The following KANSL1L variants were observed in gnomAD, a reference collection of about 807,000 sequenced individuals.
KANSL1L encodes KAT8 regulatory NSL complex subunit 1-like protein.
KANSL1L carries 25 observed loss-of-function variants against 108.6 expected under a neutral mutation model. That is an observed-to-expected ratio of 0.23 (90% CI 0.17 to 0.32). The LOEUF (loss-of-function observed/expected upper bound fraction) is 0.32. Among genes scored for constraint, KANSL1L ranks in the 10% least tolerant of loss-of-function variants. KANSL1L has a pLI of 1.00. For synonymous variants in KANSL1L, 405 were observed against 395.1 expected (o/e 1.03, Z -0.30); for missense variants, 1,137 against 1,125.7 (o/e 1.01, Z -0.14).
intron 1 of KANSL1L, among the ~76,000 whole-genome samples, chr2:210,162,222 G>GTGTATATATATATATATATA (rs2095365187): frequency 9.3e-6 from 1 of 107,474 alleles, no homozygotes; most frequent in Admixed American, 9.8e-5. Context: ...AGTGGTTCAG[G>GTGTATATATATATATATATA]TATATATATA....
At chr2:210,074,755 G>A (rs1333818088) in intron 6 of KANSL1L, among the ~76,000 whole-genome samples, 1 of 152,136 alleles carries the variant, frequency 6.6e-6, no homozygotes, top group African/African-American at 2.4e-5. Context: ...ATAAAACAAA[G>A]CATCTTTATT....
intron 2 of KANSL1L, among the ~76,000 whole-genome samples, chr2:210,133,914 A>C (rs2095150285): frequency 6.6e-6 from 1 of 151,848 alleles, no homozygotes; most frequent in African/African-American, 2.4e-5. Flanking sequence ...ACCCAGTATG[A>C]TTTTCCTTCA....
intron 6 of KANSL1L, among the ~76,000 whole-genome samples, chr2:210,059,659 G>A (rs1201919915): frequency 1.3e-5 from 2 of 152,152 alleles, no homozygotes; most frequent in Non-Finnish European, 2.9e-5. Context: ...GTTACAGCAA[G>A]GTAAGAAAAT....
At chr2:210,130,558 A>T (rs1480140866) in intron 2 of KANSL1L, among the ~76,000 whole-genome samples, 2 of 152,194 alleles carry the variant, frequency 1.3e-5, no homozygotes, top group Non-Finnish European at 2.9e-5. Flanking sequence ...ATACAATGTG[A>T]TTAAAGACAC....
intron 6 of KANSL1L, among the ~76,000 whole-genome samples, chr2:210,053,416 G>A (rs1272355511): frequency 6.6e-6 from 1 of 152,118 alleles, no homozygotes; most frequent in Non-Finnish European, 1.5e-5. Flanking sequence ...GGCCAACATG[G>A]TGAGACCTTG....
chr2:210,107,534 AT>A (rs71395572), intron 3 of KANSL1L, among the ~76,000 whole-genome samples: 14 of 117,604 alleles, frequency 1.2e-4, no homozygotes, highest in East Asian at 9.3e-4. Context: ...ATATATATAT[AT>A]TTTTTTTTTT....
In KANSL1L at chr2:210,154,154, G is replaced by C. The variant is rs745822027; in HGVS notation, c.429C>G (p.Ser143Arg). ...TAATTTGTACATCTTTCATGCACTGGCTCGTGGTATCTGATAGAGGCTCCT... is the reference window on the plus strand; with the variant it reads ...TAATTTGTACATCTTTCATGCACTGCCTCGTGGTATCTGATAGAGGCTCCT... ...IKKEPLSDTT[S>R]QCMKDVQIIL... is the part of the protein sequence containing the mutation. Residue 143 changes from serine to arginine, a missense_variant, in exon 2 of 15, where the codon AGC becomes AGG. Transcript: ENST00000281772. 6.8e-6 allele frequency: 11 copies of C among 1,613,754 alleles called. No individual in the cohort carries two copies. In the African/African-American group the frequency reaches 1.2e-4, roughly 18 times the overall value.
In KANSL1L at chr2:210,024,022, A is replaced by T; in HGVS notation, c.2733+11T>A. ...AGGAATGGGAAGTTTAATCATACAT[A>T]TTACACTTACCTTGGTTTCTTGACT... On this transcript the variant is annotated intron_variant, in intron 14 of 14. Transcript: ENST00000281772. The T allele has an allele frequency of 6.5e-7, 1 of 1,541,000 alleles. No homozygotes were observed. Among genetic ancestry groups the T allele is most frequent in the Non-Finnish European group, 8.8e-7 (1 of 1,141,078 alleles).
chr2:210,154,051 C>T lies in KANSL1L; in HGVS notation c.532G>A (p.Ala178Thr). Residue 178 changes from alanine to threonine, a missense_variant, in exon 2 of 15, where the codon GCA becomes ACA. Around this residue, in one of 3 missense-constraint regions of KANSL1L, gnomAD observed 556 missense variants for 537.7 expected, o/e 1.03. Coordinates refer to ENST00000281772, the MANE Select transcript of KANSL1L (RefSeq NM_152519.4). ...LQNCKWYQEN[A>T]LLDKVTDAEI... is the part of the protein sequence containing the mutation. Reference sequence around the variant, plus strand: ...GCATCAGTAACTTTATCCAAAAGTGCATTCTCTTGATACCATTTACAGTTT... The same window carrying T: ...GCATCAGTAACTTTATCCAAAAGTGTATTCTCTTGATACCATTTACAGTTT... 6.2e-7 allele frequency: 1 copy of T among 1,613,556 alleles called. No homozygotes were observed. Among genetic ancestry groups the T allele is most frequent in the Non-Finnish European group, 8.5e-7 (1 of 1,179,614 alleles).
intron 2 of KANSL1L, chr2:210,152,003 G>T (rs1031997796): frequency 2.6e-5 from 4 of 152,016 alleles, no homozygotes; most frequent in Non-Finnish European, 4.4e-5. Context: ...AAGTTCAGGG[G>T]TACAAGTGCA....
intron 5 of KANSL1L, among the ~76,000 whole-genome samples, chr2:210,093,273 G>A (rs1422982933): frequency 6.6e-6 from 1 of 152,176 alleles, no homozygotes; most frequent in African/African-American, 2.4e-5. Context: ...AGCCTCCCAA[G>A]TAGTTGGGAC....
At chr2:210,066,123 ATAAAT>A (rs2125295993) in intron 6 of KANSL1L, among the ~76,000 whole-genome samples, 1 of 152,324 alleles carries the variant, frequency 6.6e-6, no homozygotes. Flanking sequence ...TATCACTTTA[ATAAAT>A]TAAACAGAAA....
chr2:210,157,569 T>G (rs1559613765), intron 1 of KANSL1L, among the ~76,000 whole-genome samples: 1 of 150,576 alleles, frequency 6.6e-6, no homozygotes, highest in Non-Finnish European at 1.5e-5. Flanking sequence ...CATGTGCCAG[T>G]GGTCCCAGCT....
chr2:210,052,787 C>G (rs2094307555), intron 6 of KANSL1L, among the ~76,000 whole-genome samples: 1 of 151,972 alleles, frequency 6.6e-6, no homozygotes, highest in African/African-American at 2.4e-5. Flanking sequence ...ACGGTAGGTA[C>G]TTAATATTTC....
intron 5 of KANSL1L, among the ~76,000 whole-genome samples, chr2:210,078,427 A>G (rs2094557509): frequency 6.6e-6 from 1 of 152,212 alleles, no homozygotes; most frequent in African/African-American, 2.4e-5. Flanking sequence ...CAGGCAAATT[A>G]TCCTTAGATT....
Position 210,022,754 on chromosome 2 carries a change from T to C in KANSL1L, c.*195A>G. ...GATAAACACAAATGACTACCACTTG[T>C]CTGTAGATGAAAATCTGGTTACCCT... On this transcript the variant is annotated 3_prime_UTR_variant, in exon 15 of 15. Transcript: ENST00000281772. 1.8e-6 allele frequency: 1 copy of C among 555,386 alleles called. No individual in the cohort carries two copies. Among genetic ancestry groups the C allele is most frequent in the South Asian group, 2.2e-5 (1 of 44,756 alleles). The allele number at this position is 555,386 out of a possible 1,614,324, so 34.4% of individuals were successfully genotyped here. A position where few individuals can be genotyped will look rare whatever the true frequency, so the allele number is the denominator to read the frequency against.
intron 6 of KANSL1L, among the ~76,000 whole-genome samples, chr2:210,054,631 G>C (rs1166280661): frequency 6.6e-6 from 1 of 152,030 alleles, no homozygotes; most frequent in African/African-American, 2.4e-5. Flanking sequence ...AAAACTCACA[G>C]TTTATATCAT....
At chr2:210,076,777 A>T (rs1208734521) in intron 5 of KANSL1L, among the ~76,000 whole-genome samples, 1 of 151,676 alleles carries the variant, frequency 6.6e-6, no homozygotes, top group African/African-American at 2.4e-5. Context: ...AACTTCATTT[A>T]TACTATCATA....
At chr2:210,128,950 A>G (rs1365481184) in intron 3 of KANSL1L, 81 bp downstream of exon 3, 2 of 1,148,684 alleles carry the variant, frequency 1.7e-6, no homozygotes, top group Non-Finnish European at 2.5e-6. Flanking sequence ...ACCTTGTAAC[A>G]ATTATTTTTG....
Sources: allele counts gnomAD v4.1 joint callset (sites outside exome capture counted in the v4.1 genomes callset), GRCh38; gene constraint gnomAD v4.1.1; regional missense constraint gnomAD v4.1.1; transcripts MANE v1.5; gene names NCBI Gene and HGNC (gene_info 2026-07-23, HGNC 2026-07-21).